DOCK9: variants seen among roughly 807,000 people sequenced by gnomAD.
DOCK9 encodes the protein dedicator of cytokinesis 9, also known as dedicator of cytokinesis protein 9.
A neutral mutation model predicts 263.3 loss-of-function variants in DOCK9; 89 were observed. The observed-to-expected ratio is 0.34, with a 90% confidence interval of 0.28 to 0.40. DOCK9 has a LOEUF of 0.40. Among genes scored for constraint, DOCK9 ranks in the 10% least tolerant of loss-of-function variants. The probability of loss-of-function intolerance (pLI) is 1.00; values close to 1 mark genes in which losing one functional copy is unlikely to be tolerated. For missense variants in DOCK9, 2,140 were observed against 2,603.4 expected (o/e 0.82, Z 3.87); for synonymous variants, 976 against 973.1 (o/e 1.00, Z -0.06).
intron 52 of DOCK9, 124 bp downstream of exon 52, chr13:98,796,991 T>TC: frequency 1.0e-6 from 1 of 983,996 alleles, no homozygotes; most frequent in Non-Finnish European, 1.5e-6. Flanking sequence ...AGGAGTGTGG[T>TC]ATGCTACATT....
intron 6 of DOCK9, among the ~76,000 whole-genome samples, chr13:98,921,749 T>C (rs1410293553): frequency 6.6e-6 from 1 of 152,176 alleles, no homozygotes; most frequent in African/African-American, 2.4e-5. Context: ...CTTGGTGACA[T>C]TCTGTGAGGT....
rs373135255 is a variant in DOCK9, at chr13:98,829,358, C to T, written c.4914G>A (p.Thr1638=). 1.8e-4 allele frequency: 295 copies of T among 1,613,592 alleles called. No homozygotes were observed. The highest frequency in any genetic ancestry group is 8.1e-5 in the Non-Finnish European group (95 of 1,179,816). ...SYASTPELRK[T]WLDSMARIHV... ...GGATCCTGGCCATGCTGTCGAGCCA[C>T]GTCTTCCTGAGCTCGGGCGTGCTGG... Residue 1638 remains threonine (T), a synonymous_variant, in exon 43 of 53, where the codon ACG becomes ACA. Coordinates refer to ENST00000682017, the MANE Select transcript of DOCK9 (RefSeq NM_001366683.2). This position sits in a 1 kb window ranked among gnomAD's most constrained non-coding sequence, Gnocchi z 4.1.
intron 1 of DOCK9, among the ~76,000 whole-genome samples, chr13:99,084,126 G>A (rs1002297401): frequency 1.3e-5 from 2 of 152,110 alleles, no homozygotes; most frequent in African/African-American, 4.8e-5. Context: ...AACAAAGCCC[G>A]GCCAGAACTT....
chr13:98,864,534 G>A (rs1376925621), intron 30 of DOCK9, among the ~76,000 whole-genome samples: 1 of 152,170 alleles, frequency 6.6e-6, no homozygotes, highest in Non-Finnish European at 1.5e-5. Context: ...AGAAGGGGGA[G>A]AGTATTCATT....
At chr13:98,933,855 A>T (rs1330102061) in intron 2 of DOCK9, among the ~76,000 whole-genome samples, 7 of 149,586 alleles carry the variant, frequency 4.7e-5, no homozygotes, top group Admixed American at 3.4e-4. Flanking sequence ...ATCAGTTATA[A>T]ACCTAGCCTC....
intron 2 of DOCK9, among the ~76,000 whole-genome samples, chr13:98,933,111 T>C (rs2054229411): frequency 6.6e-6 from 1 of 152,346 alleles, no homozygotes; most frequent in Admixed American, 6.5e-5. Flanking sequence ...CTTTCAAGAT[T>C]TTTGAAACTA....
chr13:98,888,209 C>T lies in DOCK9; in HGVS notation c.1992G>A (p.Ala664=), dbSNP rs1339454160. The T allele has an allele frequency of 1.2e-5, 20 of 1,609,962 alleles. No homozygotes were observed. Among genetic ancestry groups the T allele is most frequent in the African/African-American group, 2.7e-5 (2 of 74,782 alleles). ...QKSFAKARNI[A]ICIEFKDSDE... is the part of the protein sequence containing the mutation. ...CTGAATCTTTGAATTCAATGCAAATCGCAATATTTCTAGCCTGCAGCAATA... is the reference window on the plus strand; with the variant it reads ...CTGAATCTTTGAATTCAATGCAAATTGCAATATTTCTAGCCTGCAGCAATA... Residue 664 remains alanine, a synonymous_variant, in exon 18 of 53, where the codon GCG becomes GCA. Coordinates refer to ENST00000682017, the MANE Select transcript of DOCK9 (RefSeq NM_001366683.2).
Position 99,076,532 on chromosome 13 carries a change from T to C in DOCK9, c.129+9691A>G, listed in dbSNP as rs978857682. Among the ~76,000 whole-genome samples the C allele has an allele frequency of 2.0e-5, 3 of 152,218 alleles. No individual in the cohort carries two copies. In the East Asian group the frequency reaches 5.8e-4, roughly 29 times the overall value. The stretch of plus-strand genomic sequence containing the variant: ...ACCAGCCTCAAAGTGATACACATTC[T>C]GATGTGCAAAAATATTGGCAAATTA... On this transcript the variant is annotated intron_variant, in intron 1 of 32. Coordinates refer to the DOCK9 transcript ENST00000427887.
chr13:99,082,408 A>G (rs1052910630), intron 1 of DOCK9, among the ~76,000 whole-genome samples: 2 of 150,128 alleles, frequency 1.3e-5, no homozygotes, highest in Non-Finnish European at 3.0e-5. Context: ...AATCTCAGCT[A>G]CTCAGGAGGC....
At chr13:98,828,277 T>C (rs529876768) in intron 43 of DOCK9, among the ~76,000 whole-genome samples, 1 of 152,370 alleles carries the variant, frequency 6.6e-6, no homozygotes, top group South Asian at 2.1e-4. Context: ...TACTTTGTTA[T>C]GGCAGCCATG....
At position 99,071,306 on chromosome 13, in the gene DOCK9, CTTTTTTTT is replaced by C. The variant is rs71114578; in HGVS notation, c.129+14909_129+14916del. Among the ~76,000 whole-genome samples, 300 of 49,318 alleles carry C rather than the reference CTTTTTTTT, an allele frequency of 6.1e-3. 4 individuals are homozygous for C. The highest frequency in any genetic ancestry group is 0.011 in the Admixed American group (41 of 3,640). The allele number at this position is 49,318 out of a possible 152,430, so 32.4% of individuals were successfully genotyped here. On this transcript the variant is annotated intron_variant, in intron 1 of 32. Coordinates refer to the DOCK9 transcript ENST00000427887. ...TACAGGTGCTTGCCACCATGCCTGGCTTTTTTTTTTTTTTTTTTTTTTTTTTGCCATGT... is the reference window on the plus strand; with the variant it reads ...TACAGGTGCTTGCCACCATGCCTGGCTTTTTTTTTTTTTTTTTTGCCATGT...
intron 27 of DOCK9, among the ~76,000 whole-genome samples, chr13:98,878,090 T>A (rs2044154024): frequency 6.6e-6 from 1 of 152,122 alleles, no homozygotes; most frequent in South Asian, 2.1e-4. Flanking sequence ...ATGACTGGTG[T>A]CCTCCTAAGA....
At chr13:99,065,927 A>G (rs2041396260) in intron 1 of DOCK9, among the ~76,000 whole-genome samples, 1 of 152,210 alleles carries the variant, frequency 6.6e-6, no homozygotes. Context: ...TGCATGTACG[A>G]AATTTAAAAT....
chr13:98,829,288 C>T lies in DOCK9; in HGVS notation c.4965+19G>A, dbSNP rs376742601. 7.6e-5 allele frequency: 122 copies of T among 1,597,700 alleles called. No homozygotes were observed. Among genetic ancestry groups the T allele is most frequent in the African/African-American group, 3.7e-4 (28 of 74,700 alleles). On this transcript the variant is annotated intron_variant, in intron 43 of 52. Transcript: ENST00000682017. This position sits in a 1 kb window ranked among gnomAD's most constrained non-coding sequence, Gnocchi z 4.1. ...TGGTTTTTTCAAAAACCCATTCAAG[C>T]GGCTGGCAGGGCTACTACCTCTGAG...
At chr13:98,799,520 T>C (rs2089853035) in intron 50 of DOCK9, among the ~76,000 whole-genome samples, 1 of 152,184 alleles carries the variant, frequency 6.6e-6, no homozygotes, top group Admixed American at 6.5e-5. Context: ...AAGTATAATA[T>C]ACAAACGGGA....
chr13:98,880,864 A>G (rs951374280), intron 25 of DOCK9, among the ~76,000 whole-genome samples, 192 bp from the exon 26 acceptor site: 1 of 152,156 alleles, frequency 6.6e-6, no homozygotes, highest in Non-Finnish European at 1.5e-5. Flanking sequence ...TCAAGAAAAT[A>G]TGTGAGTCAT....
chr13:98,805,369 G>GTTTGCTATA (rs2090580255), intron 48 of DOCK9, among the ~76,000 whole-genome samples, 160 bp from the exon 49 acceptor site: 1 of 152,078 alleles, frequency 6.6e-6, no homozygotes, highest in South Asian at 2.1e-4. Context: ...ACTGCTAGCA[G>GTTTGCTATA]TTTGCTATAT....
intron 33 of DOCK9, chr13:98,857,350 T>C (rs1167878726): frequency 6.6e-6 from 1 of 152,170 alleles, no homozygotes; most frequent in African/African-American, 2.4e-5. Context: ...ACAAAATAAA[T>C]ATAGCCAGCC....
chr13:98,808,789 G>A (rs2140200096), intron 47 of DOCK9: 5 of 728,016 alleles, frequency 6.9e-6, no homozygotes, highest in Non-Finnish European at 1.1e-5. Flanking sequence ...TAATGTTAAG[G>A]GACTCGAAGG....
Sources: allele counts gnomAD v4.1 joint callset (sites outside exome capture counted in the v4.1 genomes callset), GRCh38; gene constraint gnomAD v4.1.1; non-coding constraint Gnocchi (gnomAD v3.1); transcripts MANE v1.5; gene names NCBI Gene and HGNC (gene_info 2026-07-23, HGNC 2026-07-21).